Variants in DLGAP2 observed in about 807,000 individuals in gnomAD.
DLGAP2 encodes disks large-associated protein 2.
DLGAP2 carries 26 observed loss-of-function variants against 100.3 expected under a neutral mutation model. That is an observed-to-expected ratio of 0.26 (90% CI 0.19 to 0.36). The LOEUF is 0.36. Ranked by LOEUF, DLGAP2 falls within the 10% of genes least tolerant of loss-of-function variation. The probability of loss-of-function intolerance (pLI) is 1.00; values close to 1 mark genes in which losing one functional copy is unlikely to be tolerated. For missense variants in DLGAP2, 1,858 were observed against 1,453.2 expected, an observed-to-expected ratio of 1.28 and a Z score of -4.53; for synonymous variants, 886 against 630.1, an observed-to-expected ratio of 1.41 and a Z score of -6.08.
chr8:1,586,914 C>CGA (rs1796139358), intron 6 of DLGAP2, among the ~76,000 whole-genome samples: 1 of 152,206 alleles, frequency 6.6e-6, no homozygotes, highest in South Asian at 2.1e-4. Flanking sequence ...TTTATGCTTT[C>CGA]ACCTTCATCA....
chr8:1,262,777 T>C (rs1799377398), intron 3 of DLGAP2, among the ~76,000 whole-genome samples: 1 of 152,196 alleles, frequency 6.6e-6, no homozygotes, highest in Non-Finnish European at 1.5e-5. Flanking sequence ...CGGAAAATAA[T>C]TTAAGAGTAC....
chr8:1,135,224 C>G (rs1214614816), intron 2 of DLGAP2, among the ~76,000 whole-genome samples: 1 of 152,058 alleles, frequency 6.6e-6, no homozygotes, highest in African/African-American at 2.4e-5. Flanking sequence ...TTTGTTTTTG[C>G]TTTTTAACAA....
intron 8 of DLGAP2, among the ~76,000 whole-genome samples, chr8:1,644,283 C>G (rs1427424892): frequency 6.6e-6 from 1 of 152,230 alleles, no homozygotes; most frequent in East Asian, 1.9e-4. Flanking sequence ...GACCAAGAGC[C>G]TCGTCTCGGC....
chr8:1,102,837 GC>G (rs1804629529), intron 2 of DLGAP2, among the ~76,000 whole-genome samples: 1 of 152,074 alleles, frequency 6.6e-6, no homozygotes. Context: ...TGTGCGTGGG[GC>G]CTTGTGAGTC....
At chr8:1,197,036 G>A (rs1797766393) in intron 2 of DLGAP2, among the ~76,000 whole-genome samples, 1 of 152,168 alleles carries the variant, frequency 6.6e-6, no homozygotes, top group African/African-American at 2.4e-5. Context: ...CTGTGGTCAG[G>A]AGGAGATGGA....
At position 964,929 on chromosome 8, in the gene DLGAP2, C is replaced by T. The variant is rs539113866; in HGVS notation, c.73+56963C>T. ...GCTGAGCCCGACTTCCACGTTCACA[C>T]GGCACTGTCGCCACCGCACACACGG... On this transcript the variant is annotated intron_variant, in intron 2 of 14. Transcript: ENST00000637795. 5.9e-5 allele frequency among the ~76,000 whole-genome samples: 9 copies of T among 152,328 alleles called. No homozygotes were observed. The South Asian group carries it at 6.2e-4, about 11-fold the overall frequency.
At chr8:1,451,947 C>T (rs1478848419) in intron 3 of DLGAP2, among the ~76,000 whole-genome samples, 1 of 152,268 alleles carries the variant, frequency 6.6e-6, no homozygotes, top group African/African-American at 2.4e-5. Flanking sequence ...GTTATCTGTC[C>T]ACCACTCCCA....
chr8:1,140,980 C>G (rs769152051), intron 2 of DLGAP2, among the ~76,000 whole-genome samples: 1 of 152,172 alleles, frequency 6.6e-6, no homozygotes, highest in African/African-American at 2.4e-5. Flanking sequence ...AAGACTCTGT[C>G]TCAAAAATAG....
At chr8:1,058,469 A>G (rs901419868) in intron 2 of DLGAP2, among the ~76,000 whole-genome samples, 12 of 152,210 alleles carry the variant, frequency 7.9e-5, no homozygotes, top group African/African-American at 2.9e-4. Flanking sequence ...GGTGGCTTCT[A>G]ATACCTGCCC....
intron 8 of DLGAP2, among the ~76,000 whole-genome samples, chr8:1,654,159 C>G (rs969142956): frequency 1.3e-5 from 2 of 152,172 alleles, no homozygotes; most frequent in African/African-American, 4.8e-5. Context: ...AGATGTCATT[C>G]ACAATTAGGT....
chr8:836,712 C>G (rs1796883731), intron 1 of DLGAP2, among the ~76,000 whole-genome samples: 1 of 152,200 alleles, frequency 6.6e-6, no homozygotes, highest in Admixed American at 6.5e-5. Context: ...GAGGGCCCTG[C>G]TGGGGCCAGG....
intron 2 of DLGAP2, among the ~76,000 whole-genome samples, chr8:1,052,762 C>T (rs1802758524): frequency 6.6e-6 from 1 of 152,078 alleles, no homozygotes; most frequent in African/African-American, 2.4e-5. Context: ...GTTACACACA[C>T]TGGACTTGTT....
At chr8:1,543,247 C>T (rs1053395149) in intron 4 of DLGAP2, among the ~76,000 whole-genome samples, 2 of 152,162 alleles carry the variant, frequency 1.3e-5, no homozygotes, top group Non-Finnish European at 2.9e-5. Flanking sequence ...GCTTTGGTGA[C>T]ATGTCTAAGA....
At chr8:922,986 A>T (rs140807155) in intron 2 of DLGAP2, among the ~76,000 whole-genome samples, 1 of 152,100 alleles carries the variant, frequency 6.6e-6, no homozygotes, top group Non-Finnish European at 1.5e-5. Context: ...CTGGGCTCTG[A>T]TGGATGCTTG....
intron 8 of DLGAP2, among the ~76,000 whole-genome samples, chr8:1,666,896 G>C (rs1047350303): frequency 3.3e-5 from 5 of 152,188 alleles, no homozygotes; most frequent in African/African-American, 1.2e-4. Context: ...GAAAGGATGT[G>C]TTTCCACCTG....
At chr8:1,114,496 A>C (rs1445819707) in intron 2 of DLGAP2, among the ~76,000 whole-genome samples, 1 of 152,126 alleles carries the variant, frequency 6.6e-6, no homozygotes, top group Non-Finnish European at 1.5e-5. Context: ...AGAGGTGTTC[A>C]TAGTAGTTTT....
intron 2 of DLGAP2, among the ~76,000 whole-genome samples, chr8:1,043,754 G>A (rs1157292927): frequency 6.6e-6 from 1 of 152,042 alleles, no homozygotes; most frequent in East Asian, 1.9e-4. Context: ...TAATGCCCAG[G>A]TTTCTGTGCA....
At chr8:1,574,129 C>T (rs747905231) in intron 6 of DLGAP2, among the ~76,000 whole-genome samples, 1 of 152,126 alleles carries the variant, frequency 6.6e-6, no homozygotes, top group Non-Finnish European at 1.5e-5. Context: ...CCAAAGACAG[C>T]ATATTTACGG....
intron 3 of DLGAP2, among the ~76,000 whole-genome samples, chr8:1,289,996 T>A (rs1800023232): frequency 6.6e-6 from 1 of 152,194 alleles, no homozygotes; most frequent in Non-Finnish European, 1.5e-5. Flanking sequence ...AAGGGGTAGC[T>A]GCTGAAAAAG....
Sources: allele counts gnomAD v4.1 joint callset (sites outside exome capture counted in the v4.1 genomes callset), GRCh38; gene constraint gnomAD v4.1.1; transcripts MANE v1.5; gene names NCBI Gene and HGNC (gene_info 2026-07-23, HGNC 2026-07-21).